The following GALNTL6 variants were observed in gnomAD, a reference collection of about 807,000 sequenced individuals.
GALNTL6 encodes polypeptide N-acetylgalactosaminyltransferase-like 6.
GALNTL6 carries 46 observed loss-of-function variants against 73.7 expected under a neutral mutation model. The ratio of observed to expected loss-of-function variants is 0.62; its 90% confidence interval spans 0.49 to 0.80. The LOEUF (loss-of-function observed/expected upper bound fraction) is 0.80. Among genes scored for constraint, GALNTL6 ranks in the 30% least tolerant of loss-of-function variants. The pLI, the probability that GALNTL6 is intolerant of heterozygous loss-of-function variation, is 0.00. For missense variants in GALNTL6, 604 were observed against 755.0 expected, an observed-to-expected ratio of 0.80 and a Z score of 2.34; for synonymous variants, 259 against 263.7, an observed-to-expected ratio of 0.98 and a Z score of 0.17.
chr4:172,756,599 C>T (rs1485526529), intron 5 of GALNTL6, among the ~76,000 whole-genome samples: 4 of 151,232 alleles, frequency 2.6e-5, no homozygotes, highest in African/African-American at 4.9e-5. Flanking sequence ...GAGCCAAGAT[C>T]GCGTCACTGC....
chr4:172,286,049 G>A (rs550198718), intron 3 of GALNTL6, among the ~76,000 whole-genome samples: 2 of 152,266 alleles, frequency 1.3e-5, no homozygotes, highest in South Asian at 2.1e-4. Context: ...TTGGAACCTT[G>A]GCTTCCTAAA....
At chr4:172,268,084 T>G (rs940013977) in intron 3 of GALNTL6, among the ~76,000 whole-genome samples, 4 of 152,184 alleles carry the variant, frequency 2.6e-5, no homozygotes, top group Non-Finnish European at 5.9e-5. Flanking sequence ...TTCTAAAGAT[T>G]TATGCCCCAA....
chr4:172,984,140 A>C (rs1239370476), intron 10 of GALNTL6, among the ~76,000 whole-genome samples: 3 of 152,220 alleles, frequency 2.0e-5, no homozygotes, highest in Non-Finnish European at 4.4e-5. Context: ...TTGTGTGCCA[A>C]CTGTTGTGTC....
At position 172,574,172 on chromosome 4, in the gene GALNTL6, G is replaced by A. The variant is rs187487735; in HGVS notation, c.553+225483G>A. ...AGATTGTAACTATTGCTTAAGAATAGGTTTGTAACCATCTGATAACCTGTG... is the reference window on the plus strand; with the variant it reads ...AGATTGTAACTATTGCTTAAGAATAAGTTTGTAACCATCTGATAACCTGTG... On this transcript the variant is annotated intron_variant, in intron 5 of 12. Coordinates refer to ENST00000506823, the MANE Select transcript of GALNTL6 (RefSeq NM_001034845.3). Among the ~76,000 whole-genome samples, 69 of 152,244 alleles carry A rather than the reference G, an allele frequency of 4.5e-4. No homozygotes were observed. The East Asian group carries it at 0.013, about 29-fold the overall frequency.
intron 5 of GALNTL6, among the ~76,000 whole-genome samples, chr4:172,731,755 A>G (rs1230347131): frequency 3.3e-5 from 5 of 152,066 alleles, no homozygotes; most frequent in Non-Finnish European, 7.4e-5. Flanking sequence ...TTTTATTTCA[A>G]TCAAAATTTT....
intron 5 of GALNTL6, among the ~76,000 whole-genome samples, chr4:172,570,499 G>C (rs1445012431): frequency 6.6e-6 from 1 of 152,174 alleles, no homozygotes; most frequent in African/African-American, 2.4e-5. Context: ...ACATTCATCT[G>C]TAAGCTAAGG....
intron 5 of GALNTL6, among the ~76,000 whole-genome samples, chr4:172,715,792 C>G (rs1331831348): frequency 6.6e-6 from 1 of 152,132 alleles, no homozygotes; most frequent in Non-Finnish European, 1.5e-5. Flanking sequence ...ATTTTTGGAT[C>G]TGCTGTTGGT....
chr4:172,799,454 T>C (rs1740481955), intron 5 of GALNTL6, among the ~76,000 whole-genome samples: 1 of 152,222 alleles, frequency 6.6e-6, no homozygotes, highest in African/African-American at 2.4e-5. Context: ...CATTTGTCAT[T>C]GTCAATACTC....
chr4:172,071,598 G>T lies in GALNTL6; in HGVS notation c.139-158058G>T, dbSNP rs1257666691. 1.8e-5 allele frequency among the ~76,000 whole-genome samples: 2 copies of T among 109,762 alleles called. 1 individual carries two copies. Among genetic ancestry groups the T allele is most frequent in the African/African-American group, 6.9e-5 (2 of 29,130 alleles). The allele number at this position is 109,762 out of a possible 152,430, so 72.0% of individuals were successfully genotyped here. A position where few individuals can be genotyped will look rare whatever the true frequency, so the allele number is the denominator to read the frequency against. On this transcript the variant is annotated intron_variant, in intron 2 of 12. Transcript: ENST00000506823. ...GTGTGTTTTGTTTGTTTGTTTATTT[G>T]TTTTTTCCTTATTTCTGGTCAGCCC...
chr4:171,931,758 C>G (rs1181610654), intron 2 of GALNTL6, among the ~76,000 whole-genome samples: 1 of 152,112 alleles, frequency 6.6e-6, no homozygotes, highest in African/African-American at 2.4e-5. Context: ...TTCCTGCTTA[C>G]TTTTGAACTG....
At chr4:172,892,804 T>A (rs1746109723) in intron 8 of GALNTL6, among the ~76,000 whole-genome samples, 1 of 152,084 alleles carries the variant, frequency 6.6e-6, no homozygotes, top group Admixed American at 6.5e-5. Flanking sequence ...CCTCCATGAT[T>A]TCTTAGTCTC....
intron 5 of GALNTL6, among the ~76,000 whole-genome samples, chr4:172,682,851 A>G (rs1448247490): frequency 1.3e-5 from 2 of 152,026 alleles, no homozygotes; most frequent in African/African-American, 4.8e-5. Flanking sequence ...AGCTAAGGGG[A>G]AAAAAATTAG....
intron 8 of GALNTL6, among the ~76,000 whole-genome samples, chr4:172,926,012 G>C (rs1033733653): frequency 6.6e-6 from 1 of 152,262 alleles, no homozygotes; most frequent in Non-Finnish European, 1.5e-5. Flanking sequence ...TTACCCATTT[G>C]GGCTGCTATA....
Position 172,809,173 on chromosome 4 carries a change from A to G in GALNTL6, c.554-188A>G, listed in dbSNP as rs1182624340. The stretch of plus-strand genomic sequence containing the variant: ...GTGTTCAAAAAAGGGCAATATTTGC[A>G]GTTTACAAAGCATTCTGGAAAGTGT... On this transcript the variant is annotated intron_variant, in intron 5 of 12. Coordinates refer to ENST00000506823, the MANE Select transcript of GALNTL6 (RefSeq NM_001034845.3). The surrounding 1 kb of genome is among the most constrained non-coding windows in gnomAD (Gnocchi z 4.4). 6.6e-6 allele frequency among the ~76,000 whole-genome samples: 1 copy of G among 152,228 alleles called. No individual in the cohort carries two copies. Among genetic ancestry groups the G allele is most frequent in the Non-Finnish European group, 1.5e-5 (1 of 68,044 alleles).
At chr4:172,825,986 T>C (rs1742245418) in intron 7 of GALNTL6, among the ~76,000 whole-genome samples, 1 of 152,212 alleles carries the variant, frequency 6.6e-6, no homozygotes, top group African/African-American at 2.4e-5. Context: ...TAGATGATAA[T>C]TGTAGCATAT....
intron 2 of GALNTL6, among the ~76,000 whole-genome samples, chr4:172,184,016 C>T (rs889982409): frequency 2.6e-5 from 4 of 152,248 alleles, no homozygotes; most frequent in African/African-American, 9.6e-5. Flanking sequence ...TGGTCTCGAT[C>T]TCCTGACCTT....
chr4:172,884,204 C>A (rs1745599973), intron 8 of GALNTL6, among the ~76,000 whole-genome samples: 1 of 152,134 alleles, frequency 6.6e-6, no homozygotes, highest in African/African-American at 2.4e-5. Context: ...TACTCTTTCC[C>A]CTAATTGCTA....
At chr4:172,932,918 T>C (rs2111324402) in intron 9 of GALNTL6, among the ~76,000 whole-genome samples, 1 of 152,298 alleles carries the variant, frequency 6.6e-6, no homozygotes, top group Middle Eastern at 3.4e-3. Context: ...CCTGCTTTCC[T>C]AACTAAATTA....
chr4:171,989,634 C>T (rs1430329341), intron 2 of GALNTL6, among the ~76,000 whole-genome samples: 4 of 152,198 alleles, frequency 2.6e-5, no homozygotes, highest in African/African-American at 9.7e-5. Context: ...TACATTGCTA[C>T]TTGGCTGCCT....
Sources: gnomAD v4.1 joint callset for allele counts (sites outside exome capture counted in the v4.1 genomes callset) on GRCh38, gnomAD v4.1.1 for gene constraint, Gnocchi (gnomAD v3.1) non-coding constraint, MANE v1.5 for transcripts, NCBI Gene and HGNC (gene_info 2026-07-23, HGNC 2026-07-21) for gene names.